Variants in DIP2A observed in about 807,000 individuals in gnomAD.
The protein encoded by DIP2A is DIP2 acetate--CoA ligase A, also known as disco-interacting protein 2 homolog A.
DIP2A carries 85 observed loss-of-function variants against 177.4 expected under a neutral mutation model. The ratio of observed to expected loss-of-function variants is 0.48; its 90% CI spans 0.40 to 0.57. DIP2A has a LOEUF of 0.57. Ranked by LOEUF, DIP2A falls within the 20% of genes least tolerant of loss-of-function variation. DIP2A has a pLI of 0.00. For synonymous variants in DIP2A, 886 were observed against 881.8 expected (o/e 1.00, Z -0.08); for missense variants, 1,791 against 2,100.2 (o/e 0.85, Z 2.88).
intron 33 of DIP2A, 75 bp from the exon 34 acceptor site, chr21:46,561,673 C>T (rs761785437): frequency 3.8e-5 from 58 of 1,543,896 alleles, no homozygotes; most frequent in East Asian, 1.1e-4. Context: ...TCATTTCCAA[C>T]GTCATGATCT....
At chr21:46,530,254 C>T (rs544749184) in intron 9 of DIP2A, among the ~76,000 whole-genome samples, 121 of 152,294 alleles carry the variant, frequency 7.9e-4, no homozygotes, top group African/African-American at 2.7e-3. Context: ...GATCACCCAA[C>T]AAGGAAACTG....
At position 46,539,832 on chromosome 21, in the gene DIP2A, G is replaced by A. The variant is rs745776031; in HGVS notation, c.1922-45G>A. On this transcript the variant is annotated intron_variant, in intron 16 of 37. Transcript: ENST00000417564. The stretch of plus-strand genomic sequence containing the variant: ...ATGTCCAGCCACCCCTTCCCTGCTG[G>A]CCCCCCAGTTAGTGCTGGCGTTCCA... 5 of 1,489,202 alleles carry A rather than the reference G, an allele frequency of 3.4e-6. No individual in the cohort carries two copies. In the Admixed American group the frequency reaches 8.4e-5, roughly 25 times the overall value. The allele number at this position is 1,489,202 out of a possible 1,614,324, so 92.2% of individuals were successfully genotyped here.
intron 6 of DIP2A, among the ~76,000 whole-genome samples, chr21:46,505,679 C>T (rs546531580): frequency 3.7e-4 from 57 of 152,312 alleles, no homozygotes; most frequent in African/African-American, 6.5e-4. Flanking sequence ...ATATCCAGCA[C>T]GCCCAAAAGT....
In DIP2A at chr21:46,489,098, CGTGTGTGTGTGG is replaced by C. The variant is rs1375845192; in HGVS notation, c.164-1489_164-1478del. Among the ~76,000 whole-genome samples, 254 of 152,134 alleles carry C rather than the reference CGTGTGTGTGTGG, an allele frequency of 1.7e-3. 2 individuals carry two copies. Among genetic ancestry groups the C allele is most frequent in the African/African-American group, 5.8e-3 (241 of 41,520 alleles). On this transcript the variant is annotated intron_variant, in intron 2 of 37. Transcript: ENST00000417564. ...ACACACACAGACACACACAAACACA[CGTGTGTGTGTGG>C]GTGTGTGTGTGGATGTGTGTGTGGA... is the stretch of plus-strand genomic sequence containing the variant.
At position 46,545,169 on chromosome 21, in the gene DIP2A, C is replaced by G; in HGVS notation, c.2209C>G (p.Pro737Ala). 5 of 1,606,364 alleles carry G rather than the reference C, an allele frequency of 3.1e-6. No individual in the cohort carries two copies. Among genetic ancestry groups the G allele is most frequent in the Non-Finnish European group, 4.3e-6 (5 of 1,173,850 alleles). Residue 737 changes from proline (P) to alanine (A), a missense_variant, in exon 19 of 38, where the codon CCT (proline) becomes GCT (alanine). Coordinates refer to ENST00000417564, the MANE Select transcript of DIP2A (RefSeq NM_015151.4). ...ATGTGTTGTGAAGTTAGAAGGTACCCCTTATCTTTGTAAAACTGATGAAGT... is the reference window on the plus strand; with the variant it reads ...ATGTGTTGTGAAGTTAGAAGGTACCGCTTATCTTTGTAAAACTGATGAAGT... ...NVCVVKLEGTPYLCKTDEVGE... is the reference protein window; with the variant it reads ...NVCVVKLEGTAYLCKTDEVGE...
At chr21:46,573,645 CAAAAAAAAAAAAAAAAA>C (rs201994694), downstream of DIP2A, among the ~76,000 whole-genome samples, 142 of 52,970 alleles carry the variant, frequency 2.7e-3, no homozygotes, top group Admixed American at 5.6e-3. Context: ...CCCTCTCTCA[CAAAAAAAAAAAAAAAAA>C]AAAAAAAAAA....
chr21:46,546,767 C>G (rs576272614), intron 20 of DIP2A, 148 bp from the exon 21 acceptor site: 25 of 804,264 alleles, frequency 3.1e-5, no homozygotes, highest in Non-Finnish European at 4.3e-5. Context: ...GCCTGCGTTG[C>G]AGATTGGGTC....
At chr21:46,515,512 G>C (rs2058532769) in intron 8 of DIP2A, among the ~76,000 whole-genome samples, 1 of 151,060 alleles carries the variant, frequency 6.6e-6, no homozygotes, top group Admixed American at 6.6e-5. Flanking sequence ...TATTTACAAA[G>C]TGTAAGATAT....
At position 46,506,243 on chromosome 21, in the gene DIP2A, A is replaced by G. The variant is rs1194464818; in HGVS notation, c.784+1754A>G. Among the ~76,000 whole-genome samples, 4 of 151,964 alleles carry G rather than the reference A, an allele frequency of 2.6e-5. No individual in the cohort carries two copies. The East Asian group carries it at 7.7e-4, about 29-fold the overall frequency. On this transcript the variant is annotated intron_variant, in intron 6 of 37. Coordinates refer to ENST00000417564, the MANE Select transcript of DIP2A (RefSeq NM_015151.4). ...AGCGATTCTCCTGCCTCACCCTCCC[A>G]AGTAGCTGGGATTACAGGCATGTGC...
At chr21:46,497,578 T>C (rs2057425949) in intron 4 of DIP2A, among the ~76,000 whole-genome samples, 1 of 152,248 alleles carries the variant, frequency 6.6e-6, no homozygotes, top group Admixed American at 6.5e-5. Context: ...TTGGTACCAT[T>C]AGAAATGAAA....
At chr21:46,502,262 A>G (rs1190424147) in intron 5 of DIP2A, among the ~76,000 whole-genome samples, 3 of 151,390 alleles carry the variant, frequency 2.0e-5, no homozygotes, top group African/African-American at 7.3e-5. Flanking sequence ...CAGCCTCCTA[A>G]GTAGCTGGGA....
At chr21:46,484,282 T>C (rs2056544388) in intron 1 of DIP2A, among the ~76,000 whole-genome samples, 1 of 152,220 alleles carries the variant, frequency 6.6e-6, no homozygotes, top group African/African-American at 2.4e-5. Context: ...TGAAGTGTTA[T>C]TTACACACAG....
intron 19 of DIP2A, 113 bp downstream of exon 19, chr21:46,545,386 C>T: frequency 1.6e-6 from 2 of 1,280,318 alleles, no homozygotes; most frequent in South Asian, 1.5e-5. Context: ...GGTCTCCTTC[C>T]ACACAGGCGC....
At chr21:46,514,640 TG>T (rs1569013948) in intron 8 of DIP2A, among the ~76,000 whole-genome samples, 1,087 of 107,008 alleles carry the variant, frequency 0.01, 14 homozygotes, top group Non-Finnish European at 0.012. Context: ...TTTTTTTTTT[TG>T]GTTTTTTTTT....
chr21:46,486,382 T>TG (rs1463401518), intron 2 of DIP2A, among the ~76,000 whole-genome samples: 2 of 152,074 alleles, frequency 1.3e-5, no homozygotes, highest in African/African-American at 2.4e-5. Flanking sequence ...CTGATTGAGA[T>TG]GGGGTCTCGC....
At chr21:46,489,266 A>T (rs1601467714) in intron 2 of DIP2A, among the ~76,000 whole-genome samples, 1 of 152,228 alleles carries the variant, frequency 6.6e-6, no homozygotes, top group East Asian at 1.9e-4. Context: ...CATCAGCAGC[A>T]TCTGTTCTGC....
intron 8 of DIP2A, among the ~76,000 whole-genome samples, chr21:46,520,775 C>T (rs2058790058): frequency 6.6e-6 from 1 of 152,190 alleles, no homozygotes; most frequent in African/African-American, 2.4e-5. Flanking sequence ...GATTTTGGAA[C>T]ACAAACCAAT....
At chr21:46,520,194 C>T (rs751300360) in intron 8 of DIP2A, among the ~76,000 whole-genome samples, 1 of 152,030 alleles carries the variant, frequency 6.6e-6, no homozygotes, top group Non-Finnish European at 1.5e-5. Context: ...TTTTACATTA[C>T]CCATCTCTCT....
rs1425332204 is a variant in DIP2A, at chr21:46,569,772, T to C, written c.*2150T>C. ...ACCCCGAATAGGTTGTATCTTATTT[T>C]GCTTTTTTTCTGACTATAAAAGCAG... On this transcript the variant is annotated 3_prime_UTR_variant, in exon 38 of 38. Transcript: ENST00000417564. The C allele has an allele frequency of 1.4e-5, 2 of 147,744 alleles. No homozygotes were observed. Among genetic ancestry groups the C allele is most frequent in the African/African-American group, 5.2e-5 (2 of 38,212 alleles). The allele number at this position is 147,744 out of a possible 1,614,324, so 9.2% of individuals were successfully genotyped here.
Sources: allele counts gnomAD v4.1 joint callset (sites outside exome capture counted in the v4.1 genomes callset), GRCh38; gene constraint gnomAD v4.1.1; transcripts MANE v1.5; gene names NCBI Gene and HGNC (gene_info 2026-07-23, HGNC 2026-07-21).